The following TMEM131L variants were observed in gnomAD, a reference collection of about 807,000 sequenced individuals.
The protein encoded by TMEM131L is transmembrane 131 like.
A neutral mutation model predicts 192.2 loss-of-function variants in TMEM131L; 54 were observed. That is an observed-to-expected ratio of 0.28 (90% CI 0.23 to 0.35). The LOEUF (loss-of-function observed/expected upper bound fraction) is 0.35. Among genes scored for constraint, TMEM131L ranks in the 10% least tolerant of loss-of-function variants. TMEM131L has a pLI of 1.00. For synonymous variants in TMEM131L, 701 were observed against 704.9 expected, an observed-to-expected ratio of 0.99 and a Z score of 0.09; for missense variants, 1,888 against 1,972.9, an observed-to-expected ratio of 0.96 and a Z score of 0.82.
chr4:153,557,727 G>A (rs1232854271), intron 6 of TMEM131L, among the ~76,000 whole-genome samples: 4 of 152,232 alleles, frequency 2.6e-5, no homozygotes, highest in Non-Finnish European at 5.9e-5. Flanking sequence ...TATCAGAAGA[G>A]TTGCCTACTT....
chr4:153,580,800 CTT>C (rs780915252), intron 7 of TMEM131L, 24 bp from the exon 8 acceptor site: 1 of 1,469,246 alleles, frequency 6.8e-7, no homozygotes, highest in Non-Finnish European at 9.5e-7. Flanking sequence ...ACTTAAAGTT[CTT>C]TTCCTCCTTT....
At chr4:153,567,792 C>T (rs1394994992) in intron 7 of TMEM131L, among the ~76,000 whole-genome samples, 3 of 152,142 alleles carry the variant, frequency 2.0e-5, no homozygotes, top group Non-Finnish European at 4.4e-5. Flanking sequence ...ATCCTACTGC[C>T]TGGGCCTCCC....
At position 153,635,488 on chromosome 4, in the gene TMEM131L, A is replaced by G; in HGVS notation, c.4474A>G (p.Ile1492Val). 6.2e-7 allele frequency: 1 copy of G among 1,613,954 alleles called. No individual in the cohort carries two copies. Among genetic ancestry groups the G allele is most frequent in the Non-Finnish European group, 8.5e-7 (1 of 1,179,810 alleles). ...TCCTGCAGATGTTCAGACAGACTTTATTGATCACAACTCTCAGTCTACCTG... is the reference window on the plus strand; with the variant it reads ...TCCTGCAGATGTTCAGACAGACTTTGTTGATCACAACTCTCAGTCTACCTG... ...PCPADVQTDF[I>V]DHNSQSTWNT... is the part of the protein sequence containing the mutation. Residue 1492 changes from isoleucine to valine, a missense_variant, in exon 34 of 35, where the codon ATT (isoleucine) becomes GTT (valine). By Grantham distance (29) the Ile-to-Val change is conservative. Transcript: ENST00000409959.
At chr4:153,620,603 A>G (rs796477867) in intron 26 of TMEM131L, among the ~76,000 whole-genome samples, 153 bp from the exon 27 acceptor site, 5 of 152,324 alleles carry the variant, frequency 3.3e-5, no homozygotes, top group African/African-American at 1.2e-4. Flanking sequence ...CAAGAGGGGA[A>G]ATGAAAACAA....
chr4:153,504,189 C>T (rs909737354), intron 3 of TMEM131L, among the ~76,000 whole-genome samples: 1 of 148,792 alleles, frequency 6.7e-6, no homozygotes, highest in African/African-American at 2.5e-5. Flanking sequence ...AGGATGTTCT[C>T]GATCTCCTGA....
At chr4:153,584,307 A>T (rs1392777868) in intron 11 of TMEM131L, among the ~76,000 whole-genome samples, 1 of 152,234 alleles carries the variant, frequency 6.6e-6, no homozygotes, top group Non-Finnish European at 1.5e-5. Context: ...GTCAGGGTGA[A>T]GAAAGGTAGA....
intron 2 of TMEM131L, among the ~76,000 whole-genome samples, chr4:153,471,313 G>A (rs1260641943): frequency 1.3e-5 from 2 of 151,950 alleles, no homozygotes; most frequent in Non-Finnish European, 2.9e-5. Flanking sequence ...CCTTTGTCTT[G>A]TGCATGTCTT....
At chr4:153,496,695 T>A (rs1733194705) in intron 3 of TMEM131L, among the ~76,000 whole-genome samples, 1 of 151,580 alleles carries the variant, frequency 6.6e-6, no homozygotes, top group South Asian at 2.1e-4. Context: ...ATAACAGGTG[T>A]GAGCCACCAG....
At chr4:153,621,915 C>G in intron 28 of TMEM131L, 66 bp downstream of exon 28, 1 of 1,468,944 alleles carries the variant, frequency 6.8e-7, no homozygotes, top group Non-Finnish European at 9.4e-7. Context: ...AATGAAGTAT[C>G]TAATAAGAGA....
chr4:153,589,027 T>A lies in TMEM131L; in HGVS notation c.1670+20T>A, dbSNP rs756864787. 7.6e-7 allele frequency: 1 copy of A among 1,323,476 alleles called. No homozygotes were observed. Among genetic ancestry groups the A allele is most frequent in the Non-Finnish European group, 1.1e-6 (1 of 917,444 alleles). 82.0% of individuals were successfully genotyped at this position (1,323,476 alleles called of 1,614,324 possible). On this transcript the variant is annotated intron_variant, in intron 16 of 34. Transcript: ENST00000409959. ...CTGCAAGTACGTCTCCACTGTCTTC[T>A]TTTTTGTTCGGTGGTGGGGAGACAC...
intron 1 of TMEM131L, 59 bp from the exon 2 acceptor site, chr4:153,467,152 C>T: frequency 1.3e-6 from 2 of 1,498,940 alleles, no homozygotes; most frequent in Non-Finnish European, 9.1e-7. Context: ...GTAGGGGAAA[C>T]AGGAAGCGTT....
intron 3 of TMEM131L, among the ~76,000 whole-genome samples, chr4:153,507,505 G>A (rs1734070901): frequency 6.6e-6 from 1 of 152,182 alleles, no homozygotes; most frequent in Non-Finnish European, 1.5e-5. Flanking sequence ...GCTTCCAAGA[G>A]TCTGGAACAT....
rs1274230431 is a variant in TMEM131L at position 153,636,304 on chromosome 4, T to C, written c.4561T>C (p.Tyr1521His). The C allele has an allele frequency of 2.5e-6, 4 of 1,613,152 alleles. No homozygotes were observed. The highest frequency in any genetic ancestry group is 1.7e-4 in the Middle Eastern group (1 of 6,058). Residue 1521 changes from tyrosine (Y) to histidine (H), a missense_variant, in exon 35 of 35, where the codon TAC (tyrosine) becomes CAC (histidine). Physicochemically the swap from Tyr to His is moderately conservative, Grantham distance 83. Transcript: ENST00000409959. ...GHASFISSPP[Y>H]LTSTRSLSPM... Reference sequence around the variant, plus strand: ...TCCTTCCTCATTTATACTTCAGCCCTACCTCACAAGCACCCGAAGCTTGTC... The same window carrying C: ...TCCTTCCTCATTTATACTTCAGCCCCACCTCACAAGCACCCGAAGCTTGTC...
intron 3 of TMEM131L, among the ~76,000 whole-genome samples, chr4:153,537,488 T>C (rs1736422651): frequency 2.0e-5 from 3 of 152,364 alleles, no homozygotes; most frequent in Admixed American, 2.0e-4. Context: ...CTTGATGATA[T>C]GCTAAATAAG....
At chr4:153,634,001 A>G (rs1319683751) in intron 32 of TMEM131L, among the ~76,000 whole-genome samples, 191 bp from the exon 33 acceptor site, 1 of 152,250 alleles carries the variant, frequency 6.6e-6, no homozygotes, top group African/African-American at 2.4e-5. Context: ...TCCATCCTGC[A>G]GATGGCATGT....
At chr4:153,488,775 G>C (rs1580053157) in intron 3 of TMEM131L, among the ~76,000 whole-genome samples, 1 of 152,190 alleles carries the variant, frequency 6.6e-6, no homozygotes, top group Admixed American at 6.5e-5. Context: ...GAAGTCCTCT[G>C]TCAAGCCGGC....
At chr4:153,506,596 G>A (rs188958462) in intron 3 of TMEM131L, among the ~76,000 whole-genome samples, 7 of 152,038 alleles carry the variant, frequency 4.6e-5, no homozygotes, top group Admixed American at 2.6e-4. Flanking sequence ...TAATCCCAGC[G>A]CTTTGAGAGG....
chr4:153,474,981 C>G (rs6829142), intron 3 of TMEM131L, among the ~76,000 whole-genome samples: 30,186 of 152,088 alleles, frequency 0.2, 7,528 homozygotes, highest in African/African-American at 0.59. Context: ...GCAAGGACTA[C>G]GCTTCCAGAC....
At chr4:153,480,144 C>T (rs1046203049) in intron 3 of TMEM131L, among the ~76,000 whole-genome samples, 1 of 152,148 alleles carries the variant, frequency 6.6e-6, no homozygotes, top group Admixed American at 6.5e-5. Context: ...TCGAGACCAT[C>T]CTGGCTAACA....
Sources: gnomAD v4.1 joint callset for allele counts (sites outside exome capture counted in the v4.1 genomes callset) on GRCh38, gnomAD v4.1.1 for gene constraint, MANE v1.5 for transcripts, NCBI Gene and HGNC (gene_info 2026-07-23, HGNC 2026-07-21) for gene names.